The following GMDS variants were observed in gnomAD, a reference collection of about 807,000 sequenced individuals.
GMDS encodes GDP-mannose 4,6 dehydratase.
GMDS carries 20 observed loss-of-function variants against 49.9 expected under a neutral mutation model. That is an observed-to-expected ratio of 0.40 (90% CI 0.28 to 0.58). The LOEUF (loss-of-function observed/expected upper bound fraction) is 0.58, where lower values mean the gene tolerates loss of function less well. Ranked by LOEUF, GMDS falls within the 20% of genes least tolerant of loss-of-function variation. The pLI, the probability that GMDS is intolerant of heterozygous loss-of-function variation, is 0.42. For missense variants in GMDS, 362 were observed against 481.4 expected (o/e 0.75, Z 2.32); for synonymous variants, 177 against 178.6 (o/e 0.99, Z 0.07).
At chr6:2,136,477 G>GAAGCC (rs906631990) in intron 1 of GMDS, among the ~76,000 whole-genome samples, 6 of 152,318 alleles carry the variant, frequency 3.9e-5, no homozygotes, top group African/African-American at 1.4e-4. Flanking sequence ...AGCACTTTGG[G>GAAGCC]AAGCCAAACC....
At chr6:2,197,111 T>C (rs1779306030) in intron 1 of GMDS, among the ~76,000 whole-genome samples, 3 of 152,224 alleles carry the variant, frequency 2.0e-5, no homozygotes, top group Non-Finnish European at 4.4e-5. Flanking sequence ...GAAGAACGAA[T>C]AAAGTCAGTA....
intron 9 of GMDS, among the ~76,000 whole-genome samples, chr6:1,697,287 C>T (rs1227831431): frequency 6.6e-6 from 1 of 152,218 alleles, no homozygotes; most frequent in Non-Finnish European, 1.5e-5. Context: ...TCCCACAGGG[C>T]TTCCTCCGAG....
At chr6:1,767,473 T>C (rs763284605) in intron 7 of GMDS, among the ~76,000 whole-genome samples, 24 of 152,186 alleles carry the variant, frequency 1.6e-4, no homozygotes, top group Non-Finnish European at 2.9e-4. Flanking sequence ...GTACTTCAGA[T>C]AAAAACAAGC....
At chr6:1,779,729 A>G (rs1268953617) in intron 7 of GMDS, among the ~76,000 whole-genome samples, 1 of 152,174 alleles carries the variant, frequency 6.6e-6, no homozygotes, top group Non-Finnish European at 1.5e-5. Flanking sequence ...TCTAACTGAT[A>G]GTGGTAAAAT....
intron 4 of GMDS, among the ~76,000 whole-genome samples, chr6:2,059,159 GA>G (rs1770961904): frequency 9.5e-6 from 1 of 104,788 alleles, no homozygotes; most frequent in African/African-American, 3.8e-5. Context: ...CTGGGCGACA[GA>G]GTGATCCTCT....
At chr6:2,228,959 G>A (rs1236994947) in intron 1 of GMDS, among the ~76,000 whole-genome samples, 2 of 152,194 alleles carry the variant, frequency 1.3e-5, no homozygotes, top group Non-Finnish European at 2.9e-5. Context: ...GCTCCTGGAG[G>A]CAAACTCTAT....
At chr6:1,744,998 C>CAA (rs1469285839) in intron 7 of GMDS, among the ~76,000 whole-genome samples, 1 of 152,132 alleles carries the variant, frequency 6.6e-6, no homozygotes, top group Non-Finnish European at 1.5e-5. Context: ...CACACACACA[C>CAA]ACACAGAAAC....
chr6:2,123,980 T>A (rs1775279090), intron 2 of GMDS, among the ~76,000 whole-genome samples: 1 of 151,688 alleles, frequency 6.6e-6, no homozygotes, highest in Non-Finnish European at 1.5e-5. Flanking sequence ...AAACAGATAA[T>A]CCTAAAGTAT....
In GMDS at chr6:1,623,997, G is replaced by A. The variant is rs1762765740; in HGVS notation, c.*172C>T. ...AACCCTGGAGGGTCACATCCCGGCT[G>A]CTACAAACCTCGGCGGGGCGGCCCC... is the stretch of plus-strand genomic sequence containing the variant. On this transcript the variant is annotated 3_prime_UTR_variant, in exon 11 of 11. Coordinates refer to ENST00000380815, the MANE Select transcript of GMDS (RefSeq NM_001500.4). 2 of 589,644 alleles carry A rather than the reference G, an allele frequency of 3.4e-6. No homozygotes were observed. The highest frequency in any genetic ancestry group is 6.0e-6 in the Non-Finnish European group (2 of 334,772). The allele number at this position is 589,644 out of a possible 1,614,324, so 36.5% of individuals were successfully genotyped here.
At chr6:1,821,727 T>G (rs1028728679) in intron 7 of GMDS, among the ~76,000 whole-genome samples, 1 of 145,572 alleles carries the variant, frequency 6.9e-6, no homozygotes, top group Non-Finnish European at 1.5e-5. Flanking sequence ...TGTGACATAA[T>G]AAATTTTTAA....
At chr6:1,999,151 G>A (rs926436361) in intron 4 of GMDS, among the ~76,000 whole-genome samples, 3 of 151,768 alleles carry the variant, frequency 2.0e-5, no homozygotes, top group African/African-American at 4.8e-5. Flanking sequence ...GTGAAACCCC[G>A]TCTCTACTAA....
At chr6:1,717,930 T>C (rs1009396885) in intron 9 of GMDS, among the ~76,000 whole-genome samples, 2 of 152,194 alleles carry the variant, frequency 1.3e-5, no homozygotes, top group Non-Finnish European at 2.9e-5. Context: ...TCAGTTTTTC[T>C]TGGATTGAGA....
At chr6:1,741,725 T>C (rs1767275616) in intron 8 of GMDS, among the ~76,000 whole-genome samples, 1 of 145,444 alleles carries the variant, frequency 6.9e-6, no homozygotes, top group African/African-American at 2.6e-5. Context: ...GGCAGGAGAA[T>C]TGCTTGAACC....
At chr6:1,781,856 C>CT (rs386405898) in intron 7 of GMDS, among the ~76,000 whole-genome samples, 27,159 of 144,076 alleles carry the variant, frequency 0.19, 2,579 homozygotes, top group East Asian at 0.26. Context: ...CTCAAACCAA[C>CT]TTTTTTTTTT....
chr6:2,103,483 G>GA (rs1465773334), intron 4 of GMDS, among the ~76,000 whole-genome samples: 1 of 151,424 alleles, frequency 6.6e-6, no homozygotes, highest in African/African-American at 2.4e-5. Context: ...GAGTAGACCA[G>GA]AAAAAAAATA....
intron 4 of GMDS, among the ~76,000 whole-genome samples, chr6:1,974,093 T>C (rs1432847174): frequency 2.0e-5 from 3 of 152,042 alleles, no homozygotes; most frequent in Non-Finnish European, 4.4e-5. Context: ...CCTCGATTTC[T>C]CTTGACCTCT....
chr6:1,792,466 C>T (rs1348409039), intron 7 of GMDS, among the ~76,000 whole-genome samples: 1 of 152,152 alleles, frequency 6.6e-6, no homozygotes, highest in Non-Finnish European at 1.5e-5. Context: ...AGACCAGCTA[C>T]TGTTGTCTGC....
In GMDS at chr6:1,641,640, A is replaced by G. The variant is rs570607131; in HGVS notation, c.988-17100T>C. Among the ~76,000 whole-genome samples the G allele has an allele frequency of 2.3e-4, 35 of 152,270 alleles. No individual in the cohort carries two copies. The East Asian group carries it at 5.6e-3, about 24-fold the overall frequency. Reference sequence around the variant, plus strand: ...TGAGCAGCCCAGACAGGAGCGCTCCATTCTGCTGCTCAAGGCATTACCTCC... The same window carrying G: ...TGAGCAGCCCAGACAGGAGCGCTCCGTTCTGCTGCTCAAGGCATTACCTCC... On this transcript the variant is annotated intron_variant, in intron 9 of 10. Coordinates refer to ENST00000380815, the MANE Select transcript of GMDS (RefSeq NM_001500.4).
intron 7 of GMDS, among the ~76,000 whole-genome samples, chr6:1,768,190 T>C (rs1219154531): frequency 6.6e-6 from 1 of 152,214 alleles, no homozygotes; most frequent in Non-Finnish European, 1.5e-5. Flanking sequence ...TCATTAACCA[T>C]ATGAATGTGT....
Sources: allele counts gnomAD v4.1 joint callset (sites outside exome capture counted in the v4.1 genomes callset), GRCh38; gene constraint gnomAD v4.1.1; transcripts MANE v1.5; gene names NCBI Gene and HGNC (gene_info 2026-07-23, HGNC 2026-07-21).